Variants in DTNA observed in about 807,000 individuals in gnomAD.
The protein encoded by DTNA is dystrophin-related protein 3.
DTNA carries 43 observed loss-of-function variants against 100.7 expected under a neutral mutation model. The observed-to-expected ratio is 0.43, with a 90% CI of 0.33 to 0.55. The LOEUF is 0.55. DTNA is among the 20% of genes least tolerant of loss of function. The pLI is 0.04. For synonymous variants in DTNA, 349 were observed against 347.9 expected, an observed-to-expected ratio of 1.00 and a Z score of -0.04; for missense variants, 798 against 953.9, an observed-to-expected ratio of 0.84 and a Z score of 2.15.
upstream of DTNA, among the ~76,000 whole-genome samples, chr18:34,705,364 T>TA (rs1198267568): frequency 6.6e-6 from 1 of 152,122 alleles, no homozygotes; most frequent in Non-Finnish European, 1.5e-5. Flanking sequence ...CATTCCTGAC[T>TA]TGGACTCCAG....
chr18:34,884,896 C>T, intron 22 of DTNA, 120 bp downstream of exon 22: 1 of 1,193,964 alleles, frequency 8.4e-7, no homozygotes, highest in Non-Finnish European at 1.2e-6. Flanking sequence ...AAATACCCTC[C>T]TTAACTGCTG....
At chr18:34,686,102 C>T (rs549420053) in intron 1 of DTNA, among the ~76,000 whole-genome samples, 107 of 152,292 alleles carry the variant, frequency 7.0e-4, no homozygotes, top group Middle Eastern at 3.4e-3. Flanking sequence ...AATTTGACTT[C>T]CTGTCTTCCT....
chr18:34,528,220 C>G (rs1433074126), intron 1 of DTNA, among the ~76,000 whole-genome samples: 2 of 152,048 alleles, frequency 1.3e-5, no homozygotes, highest in Non-Finnish European at 2.9e-5. Context: ...TGACTGGACT[C>G]AAGGAACTTC....
chr18:34,764,044 A>G (rs1480438), intron 2 of DTNA, among the ~76,000 whole-genome samples: 110,976 of 151,984 alleles, frequency 0.73, 40,913 homozygotes, highest in East Asian at 0.91. Flanking sequence ...CAGGGGGAAA[A>G]GAGTATGTGA....
chr18:34,857,753 T>G (rs1435764820), intron 15 of DTNA, among the ~76,000 whole-genome samples: 1 of 152,216 alleles, frequency 6.6e-6, no homozygotes, highest in Non-Finnish European at 1.5e-5. Context: ...TGGGGTTTTC[T>G]CAGATAAATT....
At chr18:34,570,253 T>A (rs1391247985) in intron 1 of DTNA, among the ~76,000 whole-genome samples, 1 of 152,214 alleles carries the variant, frequency 6.6e-6, no homozygotes, top group Admixed American at 6.5e-5. Context: ...ACACCTAAAA[T>A]GTCCCCAGGT....
chr18:34,771,354 C>T (rs535458185), intron 3 of DTNA, among the ~76,000 whole-genome samples: 5 of 152,052 alleles, frequency 3.3e-5, no homozygotes, highest in Admixed American at 6.5e-5. Flanking sequence ...AAATAATTAG[C>T]GGGGCGTGGT....
chr18:34,581,021 G>A (rs1369543022), intron 1 of DTNA, among the ~76,000 whole-genome samples: 12 of 152,072 alleles, frequency 7.9e-5, no homozygotes, highest in African/African-American at 4.8e-5. Flanking sequence ...CAAGGCAGGC[G>A]GATCACGAGG....
In DTNA at chr18:34,512,012, G is replaced by A. The variant is rs190229507; in HGVS notation, c.-2+18498G>A. The stretch of plus-strand genomic sequence containing the variant: ...CATTTCTCCTGTGACTCTGTTCTGA[G>A]TCTCTGCATCTGTTGAATGCCCAAT... On this transcript the variant is annotated intron_variant, in intron 1 of 19. Coordinates refer to the DTNA transcript ENST00000283365. Among the ~76,000 whole-genome samples the A allele has an allele frequency of 5.6e-4, 85 of 151,976 alleles. 1 individual carries two copies. The highest frequency in any genetic ancestry group is 2.0e-3 in the African/African-American group (82 of 41,482).
intron 1 of DTNA, among the ~76,000 whole-genome samples, chr18:34,686,785 T>G (rs2078968733): frequency 6.6e-6 from 1 of 151,800 alleles, no homozygotes; most frequent in South Asian, 2.1e-4. Flanking sequence ...CTGTTGGTGG[T>G]GGTGGTGGTA....
chr18:34,712,798 G>A (rs922663865), intron 1 of DTNA, among the ~76,000 whole-genome samples: 10 of 152,048 alleles, frequency 6.6e-5, no homozygotes, highest in African/African-American at 2.4e-4. Context: ...TAGAGTCATA[G>A]ACCAATAGAT....
At position 34,819,238 on chromosome 18, in the gene DTNA, T is replaced by C. The variant is rs192281595; in HGVS notation, c.876+908T>C. ...AACCTTTAGTCTTTACTTAAAGAAG[T>C]CTTCAGAATATACATCTTAAATCAA... On this transcript the variant is annotated intron_variant, in intron 8 of 22. Transcript: ENST00000444659. Among the ~76,000 whole-genome samples the C allele has an allele frequency of 1.8e-3, 280 of 152,326 alleles. 1 individual carries two copies. The highest frequency in any genetic ancestry group is 6.2e-3 in the African/African-American group (258 of 41,568).
chr18:34,725,231 G>C (rs112983936), intron 1 of DTNA, among the ~76,000 whole-genome samples: 16,686 of 151,972 alleles, frequency 0.11, 1,295 homozygotes, highest in African/African-American at 0.21. Flanking sequence ...ACAACAAAAG[G>C]CAAAATAGAC....
At chr18:34,737,203 C>A (rs938862108) in intron 1 of DTNA, among the ~76,000 whole-genome samples, 1 of 152,102 alleles carries the variant, frequency 6.6e-6, no homozygotes, top group Non-Finnish European at 1.5e-5. Context: ...AAAGGAAGAA[C>A]TAGCTAATAT....
intron 11 of DTNA, among the ~76,000 whole-genome samples, chr18:34,836,380 C>T (rs370747243): frequency 7.2e-5 from 11 of 152,102 alleles, no homozygotes; most frequent in East Asian, 1.9e-4. Context: ...GGGCCGAGCA[C>T]GGTGGCTCAC....
intron 9 of DTNA, among the ~76,000 whole-genome samples, chr18:34,823,739 A>G (rs951624915): frequency 6.6e-6 from 1 of 152,202 alleles, no homozygotes; most frequent in Non-Finnish European, 1.5e-5. Context: ...CTTTAATTGT[A>G]GTACAAACCA....
At chr18:34,727,841 A>G (rs1317507641) in intron 1 of DTNA, among the ~76,000 whole-genome samples, 7 of 152,232 alleles carry the variant, frequency 4.6e-5, no homozygotes, top group Admixed American at 3.9e-4. Flanking sequence ...CTGGGATTAC[A>G]GGTGTGAGCC....
chr18:34,553,030 C>T (rs1278352023), intron 1 of DTNA, among the ~76,000 whole-genome samples: 7 of 151,248 alleles, frequency 4.6e-5, no homozygotes, highest in African/African-American at 1.7e-4. Flanking sequence ...CACATCCTCC[C>T]CAGCACCTGT....
At chr18:34,725,255 T>C (rs2086349723) in intron 1 of DTNA, among the ~76,000 whole-genome samples, 1 of 152,146 alleles carries the variant, frequency 6.6e-6, no homozygotes, top group African/African-American at 2.4e-5. Context: ...TGGGATCTAA[T>C]TAAACTAAAG....
Sources: allele counts gnomAD v4.1 joint callset (sites outside exome capture counted in the v4.1 genomes callset), GRCh38; gene constraint gnomAD v4.1.1; transcripts MANE v1.5; gene names NCBI Gene and HGNC (gene_info 2026-07-23, HGNC 2026-07-21).